ZNF827: variants seen among roughly 807,000 people sequenced by gnomAD.
ZNF827 encodes zinc finger protein 827.
ZNF827 carries 13 observed loss-of-function variants against 102.4 expected under a neutral mutation model. The ratio of observed to expected loss-of-function variants is 0.13; its 90% CI spans 0.08 to 0.20. The LOEUF is 0.20. Ranked by LOEUF, ZNF827 falls within the 10% of genes least tolerant of loss-of-function variation. The pLI is 1.00. For missense variants in ZNF827, 1,103 were observed against 1,344.4 expected, an observed-to-expected ratio of 0.82 and a Z score of 2.81; for synonymous variants, 523 against 536.2, an observed-to-expected ratio of 0.98 and a Z score of 0.34.
At chr4:145,873,796 T>G (rs1313657946) in intron 4 of ZNF827, among the ~76,000 whole-genome samples, 1 of 152,186 alleles carries the variant, frequency 6.6e-6, no homozygotes, top group East Asian at 1.9e-4. Flanking sequence ...TAAAGCTTGC[T>G]CTCTCCCAAC....
chr4:145,870,628 CA>C (rs1343903506), intron 4 of ZNF827, 150 bp from the exon 5 acceptor site: 1 of 633,508 alleles, frequency 1.6e-6, no homozygotes, highest in African/African-American at 1.8e-5. Context: ...GGGCCCTGGG[CA>C]AAACCACACA....
At chr4:145,878,199 G>C (rs1021942168) in intron 4 of ZNF827, among the ~76,000 whole-genome samples, 14 of 152,144 alleles carry the variant, frequency 9.2e-5, no homozygotes, top group Non-Finnish European at 1.5e-4. Flanking sequence ...AAATGGCTAC[G>C]ATTCCCCCCT....
chr4:145,921,470 C>CAAA (rs35423633), intron 1 of ZNF827, among the ~76,000 whole-genome samples: 20 of 54,052 alleles, frequency 3.7e-4, no homozygotes, highest in African/African-American at 5.5e-4. Context: ...GAGACTCAGG[C>CAAA]AAAAAAAAAA....
chr4:145,817,262 G>T (rs1742677195), intron 8 of ZNF827, among the ~76,000 whole-genome samples: 1 of 152,118 alleles, frequency 6.6e-6, no homozygotes, highest in Non-Finnish European at 1.5e-5. Context: ...GAGAATTTTA[G>T]CAGTAAAGCC....
chr4:145,806,319 T>C lies in ZNF827; in HGVS notation c.2383+17103A>G, dbSNP rs1579243362. ...GGCACACTCCACCACGCCCAGCTAC[T>C]TTTTTTTTGTATTTTTGGTAAAGAT... On this transcript the variant is annotated intron_variant, in intron 8 of 14. Coordinates refer to ENST00000508784, the MANE Select transcript of ZNF827 (RefSeq NM_001306215.2). 4.2e-5 allele frequency among the ~76,000 whole-genome samples: 4 copies of C among 94,454 alleles called. No homozygotes were observed. The Admixed American group carries it at 4.6e-4, about 11-fold the overall frequency. The allele number at this position is 94,454 out of a possible 152,430, so 62.0% of individuals were successfully genotyped here.
At position 145,761,430 on chromosome 4, in the gene ZNF827, G is replaced by A. The variant is rs1035938711; in HGVS notation, c.*186C>T. The A allele has an allele frequency of 1.6e-6, 2 of 1,289,794 alleles. No homozygotes were observed. The highest frequency in any genetic ancestry group is 2.3e-5 in the Admixed American group (1 of 43,572). The allele number at this position is 1,289,794 out of a possible 1,614,324, so 79.9% of individuals were successfully genotyped here. On this transcript the variant is annotated 3_prime_UTR_variant, in exon 15 of 15. Coordinates refer to ENST00000508784, the MANE Select transcript of ZNF827 (RefSeq NM_001306215.2). The surrounding 1 kb of genome is among the most constrained non-coding windows in gnomAD (Gnocchi z 6.8). ...TCTTGGACAGGTAGCCGCACTGGTC[G>A]CACTTGTAGTGGTTGCCCAGGCGGT...
chr4:145,779,629 A>C, intron 8 of ZNF827, 118 bp from the exon 9 acceptor site: 1 of 1,366,146 alleles, frequency 7.3e-7, no homozygotes, highest in Non-Finnish European at 9.9e-7. Context: ...AGTAATTGCA[A>C]ATGAGTCTCC....
chr4:145,913,174 C>G (rs1215998867), intron 1 of ZNF827, among the ~76,000 whole-genome samples: 1 of 151,934 alleles, frequency 6.6e-6, no homozygotes, highest in East Asian at 1.9e-4. Flanking sequence ...ACCTATAATC[C>G]CAGCACTTTT....
intron 4 of ZNF827, 123 bp downstream of exon 4, chr4:145,885,555 A>C (rs1750033448): frequency 7.3e-7 from 1 of 1,372,522 alleles, no homozygotes; most frequent in African/African-American, 1.5e-5. Context: ...AGGGACCTTG[A>C]AATCATCTAG....
intron 11 of ZNF827, among the ~76,000 whole-genome samples, chr4:145,768,616 G>A (rs1735683847): frequency 1.3e-5 from 2 of 151,484 alleles, no homozygotes; most frequent in Non-Finnish European, 2.9e-5. Context: ...GAAAATATAG[G>A]GAGACTGTTC....
chr4:145,812,826 C>T (rs547210181), intron 8 of ZNF827, among the ~76,000 whole-genome samples: 1 of 152,174 alleles, frequency 6.6e-6, no homozygotes, highest in Non-Finnish European at 1.5e-5. Flanking sequence ...CCACGCCTGA[C>T]CTAAACCATT....
intron 8 of ZNF827, among the ~76,000 whole-genome samples, chr4:145,817,809 G>C (rs1263254948): frequency 6.6e-6 from 1 of 152,170 alleles, no homozygotes; most frequent in African/African-American, 2.4e-5. Context: ...CTGATTCCCA[G>C]TCTAGAAATG....
At chr4:145,904,947 A>G (rs1256439547) in intron 1 of ZNF827, among the ~76,000 whole-genome samples, 1 of 152,254 alleles carries the variant, frequency 6.6e-6, no homozygotes, top group Non-Finnish European at 1.5e-5. Context: ...CAAAGAGGCC[A>G]GCTAGGAGGC....
chr4:145,909,063 G>C (rs1047205598), intron 1 of ZNF827, among the ~76,000 whole-genome samples: 14 of 152,116 alleles, frequency 9.2e-5, no homozygotes, highest in Non-Finnish European at 1.9e-4. Context: ...TTAACCCAAT[G>C]AAAAAATTGT....
chr4:145,795,968 A>G (rs1260782948), intron 8 of ZNF827, among the ~76,000 whole-genome samples: 1 of 152,212 alleles, frequency 6.6e-6, no homozygotes, highest in Non-Finnish European at 1.5e-5. Flanking sequence ...TGGCCCACAT[A>G]GTTAAACGAT....
chr4:145,839,046 T>C (rs776350754), intron 7 of ZNF827: 1 of 152,210 alleles, frequency 6.6e-6, no homozygotes, highest in Non-Finnish European at 1.5e-5. Flanking sequence ...GAAGAGGTTG[T>C]ATGCAATATT....
At chr4:145,907,688 C>T (rs1579539865) in intron 1 of ZNF827, among the ~76,000 whole-genome samples, 2 of 152,196 alleles carry the variant, frequency 1.3e-5, no homozygotes. Context: ...ATGTAAATAA[C>T]TTCCTTGTAA....
intron 6 of ZNF827, 93 bp from the exon 7 acceptor site, chr4:145,846,106 T>G: frequency 8.5e-7 from 1 of 1,183,056 alleles, no homozygotes. Flanking sequence ...TCAACATCTC[T>G]CTTTTTCCTT....
intron 7 of ZNF827, chr4:145,832,632 G>A (rs1744338906): frequency 1.3e-5 from 2 of 152,234 alleles, no homozygotes; most frequent in South Asian, 4.1e-4. Context: ...CTGAGCCCAA[G>A]CCAAGCCATC....
Sources: allele counts gnomAD v4.1 joint callset (sites outside exome capture counted in the v4.1 genomes callset), GRCh38; gene constraint gnomAD v4.1.1; non-coding constraint Gnocchi (gnomAD v3.1); transcripts MANE v1.5; gene names NCBI Gene and HGNC (gene_info 2026-07-23, HGNC 2026-07-21).